Variants in PCDHGA6 observed in about 807,000 individuals in gnomAD.
The protein encoded by PCDHGA6 is protocadherin gamma subfamily A, 6.
PCDHGA6 carries 41 observed loss-of-function variants against 60.6 expected under a neutral mutation model. The ratio of observed to expected loss-of-function variants is 0.68; its 90% CI spans 0.53 to 0.88. PCDHGA6 has a LOEUF of 0.88. Ranked by LOEUF, PCDHGA6 falls within the 40% of genes least tolerant of loss-of-function variation. The pLI is 0.00. For synonymous variants in PCDHGA6, 594 were observed against 524.4 expected, an observed-to-expected ratio of 1.13 and a Z score of -1.81; for missense variants, 1,312 against 1,203.0, an observed-to-expected ratio of 1.09 and a Z score of -1.34.
At chr5:141,427,426 C>G (rs569185252) in intron 1 of PCDHGA6, 1 of 469,896 alleles carries the variant, frequency 2.1e-6, no homozygotes, top group Admixed American at 2.3e-5. Flanking sequence ...GGGGAGGTTA[C>G]ATGCCTCATA....
chr5:141,389,814 G>T, intron 1 of PCDHGA6: 3 of 1,613,868 alleles, frequency 1.9e-6, no homozygotes, highest in Non-Finnish European at 2.5e-6. Flanking sequence ...TCTGGTCGCC[G>T]TGCGTGACGG....
rs201673318 is a variant in PCDHGA6, at chr5:141,421,626, C to G, written c.2424+45119C>G. On this transcript the variant is annotated intron_variant, in intron 1 of 3. Coordinates refer to ENST00000517434, the MANE Select transcript of PCDHGA6 (RefSeq NM_018919.3). ...TAGATATTAATGATAACGCCCCCAG[C>G]TTCCAGGAGGACGAAGTGGAGATAA... 1.9e-6 allele frequency: 3 copies of G among 1,613,842 alleles called. No individual in the cohort carries two copies. In the African/African-American group the frequency reaches 4.0e-5, roughly 21 times the overall value.
intron 1 of PCDHGA6, among the ~76,000 whole-genome samples, chr5:141,470,572 A>G (rs1349952470): frequency 6.6e-6 from 1 of 152,208 alleles, no homozygotes; most frequent in Non-Finnish European, 1.5e-5. Flanking sequence ...GCCAAGCAGG[A>G]TCAACTTCAT....
Position 141,374,537 on chromosome 5 carries a change from T to G in PCDHGA6, c.454T>G (p.Phe152Val), listed in dbSNP as rs1430968090. Reference sequence around the variant, plus strand: ...CGAAAACGCAGCTCCATCCTCTCGTTTTCCACTAATGGAGGTCTATGACCC... The same window carrying G: ...CGAAAACGCAGCTCCATCCTCTCGTGTTCCACTAATGGAGGTCTATGACCC... ...ILENAAPSSRFPLMEVYDPDV... is the reference protein window; with the variant it reads ...ILENAAPSSRVPLMEVYDPDV... The change falls in exon 1 of 4, where the codon TTT becomes GTT. Residue 152 changes from phenylalanine to valine, a missense_variant. Coordinates refer to ENST00000517434, the MANE Select transcript of PCDHGA6 (RefSeq NM_018919.3). 4 of 1,613,198 alleles carry G rather than the reference T, an allele frequency of 2.5e-6. No individual in the cohort carries two copies. In the Admixed American group the frequency reaches 5.0e-5, roughly 20 times the overall value.
intron 1 of PCDHGA6, among the ~76,000 whole-genome samples, chr5:141,435,590 A>G (rs1005651004): frequency 3.3e-5 from 5 of 152,210 alleles, no homozygotes; most frequent in African/African-American, 7.2e-5. Context: ...TTGCAGTAAT[A>G]TCGCCTGCTT....
intron 1 of PCDHGA6, chr5:141,395,065 A>G: frequency 6.2e-7 from 1 of 1,614,132 alleles, no homozygotes; most frequent in South Asian, 1.1e-5. Context: ...GCTTTCCTGC[A>G]GACCTATTCC....
Position 141,485,844 on chromosome 5 carries a change from G to A in PCDHGA6, c.2425-8963G>A, listed in dbSNP as rs201857404. On this transcript the variant is annotated intron_variant, in intron 1 of 3. Transcript: ENST00000517434. The surrounding 1 kb of genome is among the most constrained non-coding windows in gnomAD (Gnocchi z 5.7). ...GATGGAGGGAACCCGCCGAGATCTGGCACCGCAGAGCTCCGGGTATCCGTG... is the reference window on the plus strand; with the variant it reads ...GATGGAGGGAACCCGCCGAGATCTGACACCGCAGAGCTCCGGGTATCCGTG... 6 of 1,613,890 alleles carry A rather than the reference G, an allele frequency of 3.7e-6. No homozygotes were observed. In the East Asian group the frequency reaches 1.1e-4, roughly 30 times the overall value.
Position 141,489,956 on chromosome 5 carries a change from C to CTCCAACCT in PCDHGA6, c.2425-4845_2425-4838dup, listed in dbSNP as rs1176419823. Reference sequence around the variant, plus strand: ...ATCGTGCTGGACATCAATGATAATGCTCCAACCTTCCAATCCTCAGTTCTA... The same window carrying CTCCAACCT: ...ATCGTGCTGGACATCAATGATAATGCTCCAACCTTCCAACCTTCCAATCCTCAGTTCTA... On this transcript the variant is annotated intron_variant, in intron 1 of 3. Coordinates refer to ENST00000517434, the MANE Select transcript of PCDHGA6 (RefSeq NM_018919.3). The surrounding 1 kb of genome is among the most constrained non-coding windows in gnomAD (Gnocchi z 4.5). 16 of 1,614,012 alleles carry CTCCAACCT rather than the reference C, an allele frequency of 9.9e-6. No individual in the cohort carries two copies. The highest frequency in any genetic ancestry group is 1.4e-5 in the Non-Finnish European group (16 of 1,179,974).
Position 141,491,900 on chromosome 5 carries a change from G to A in PCDHGA6, c.2425-2907G>A, listed in dbSNP as rs1268804496. 7.0e-7 allele frequency: 1 copy of A among 1,429,818 alleles called. No individual in the cohort carries two copies. Among genetic ancestry groups the A allele is most frequent in the East Asian group, 2.5e-5 (1 of 39,444 alleles). The allele number at this position is 1,429,818 out of a possible 1,614,324, so 88.6% of individuals were successfully genotyped here. A position where few individuals can be genotyped will look rare whatever the true frequency, so the allele number is the denominator to read the frequency against. ...TAAGGGATGGGGCTCCGAGCACCGGGGGTGGTGGCGACTGTGGGCGAGGGG... is the reference window on the plus strand; with the variant it reads ...TAAGGGATGGGGCTCCGAGCACCGGAGGTGGTGGCGACTGTGGGCGAGGGG... On this transcript the variant is annotated intron_variant, in intron 1 of 3. Coordinates refer to ENST00000517434, the MANE Select transcript of PCDHGA6 (RefSeq NM_018919.3). This position sits in a 1 kb window ranked among gnomAD's most constrained non-coding sequence, Gnocchi z 6.9.
At chr5:141,467,352 C>A (rs2099142466) in intron 1 of PCDHGA6, among the ~76,000 whole-genome samples, 1 of 152,140 alleles carries the variant, frequency 6.6e-6, no homozygotes, top group South Asian at 2.1e-4. Context: ...TGCCCCCGGC[C>A]AAATCAACGT....
At chr5:141,426,764 T>C (rs1285434687) in intron 1 of PCDHGA6, 5 of 456,638 alleles carry the variant, frequency 1.1e-5, no homozygotes, top group Non-Finnish European at 2.2e-5. Flanking sequence ...TAGATGCAGA[T>C]GTAGGGCCTC....
chr5:141,453,205 G>A lies in PCDHGA6; in HGVS notation c.2425-41602G>A, dbSNP rs570291941. On this transcript the variant is annotated intron_variant, in intron 1 of 3. Coordinates refer to ENST00000517434, the MANE Select transcript of PCDHGA6 (RefSeq NM_018919.3). ...CACAGCTCACTGCAGCCTCAACCTC[G>A]TGCACTTAAGCGATCCTCCCACCTC... Among the ~76,000 whole-genome samples the A allele has an allele frequency of 1.1e-4, 17 of 151,990 alleles. No individual in the cohort carries two copies. In the East Asian group the frequency reaches 2.5e-3, roughly 22 times the overall value.
intron 1 of PCDHGA6, chr5:141,403,951 G>C: frequency 6.2e-7 from 1 of 1,613,882 alleles, no homozygotes. Flanking sequence ...GGACAAAAGT[G>C]CTCATTTCGG....
In PCDHGA6 at chr5:141,393,130, T is replaced by C. The variant is rs752035971; in HGVS notation, c.2424+16623T>C. 19 of 1,613,248 alleles carry C rather than the reference T, an allele frequency of 1.2e-5. No individual in the cohort carries two copies. In the Admixed American group the frequency reaches 2.7e-4, roughly 23 times the overall value. On this transcript the variant is annotated intron_variant, in intron 1 of 3. Transcript: ENST00000517434. ...CAGAGCCCGCGGTGTCTGATAAATA[T>C]TAACACCCTGGTTGAGGATAAAGGA...
At chr5:141,384,541 C>T in intron 1 of PCDHGA6, 2 of 1,614,264 alleles carry the variant, frequency 1.2e-6, no homozygotes, top group Non-Finnish European at 1.7e-6. Context: ...CAACATGTCA[C>T]TGAGCCTGTT....
Position 141,400,678 on chromosome 5 carries a change from T to A in PCDHGA6, c.2424+24171T>A. ...ACCATTCTTTAAGAGGAGCAGTAAA[T>A]TGTGAGTTTTTATGTCGCATAAAAG... On this transcript the variant is annotated intron_variant, in intron 1 of 3. Coordinates refer to ENST00000517434, the MANE Select transcript of PCDHGA6 (RefSeq NM_018919.3). 4.5e-6 allele frequency: 4 copies of A among 882,002 alleles called. No homozygotes were observed. In the South Asian group the frequency reaches 6.9e-5, roughly 15 times the overall value. The allele number at this position is 882,002 out of a possible 1,614,324, so 54.6% of individuals were successfully genotyped here.
At chr5:141,421,213 G>C (rs916345810) in intron 1 of PCDHGA6, 3 of 1,548,472 alleles carry the variant, frequency 1.9e-6, no homozygotes, top group Admixed American at 4.1e-5. Context: ...GCGGAATATC[G>C]GCTTAGAGCC....
intron 1 of PCDHGA6, chr5:141,415,449 C>G: frequency 6.2e-7 from 1 of 1,614,182 alleles, no homozygotes; most frequent in Admixed American, 1.7e-5. Context: ...AGACCTATTC[C>G]CACGAGGTCT....
At chr5:141,495,274 G>A (rs1396412578) in intron 2 of PCDHGA6, among the ~76,000 whole-genome samples, 1 of 152,190 alleles carries the variant, frequency 6.6e-6, no homozygotes, top group Non-Finnish European at 1.5e-5. Context: ...TTGACCGGAG[G>A]AGGCGGTCCG....
Sources: allele counts gnomAD v4.1 joint callset (sites outside exome capture counted in the v4.1 genomes callset), GRCh38; gene constraint gnomAD v4.1.1; non-coding constraint Gnocchi (gnomAD v3.1); transcripts MANE v1.5; gene names NCBI Gene and HGNC (gene_info 2026-07-23, HGNC 2026-07-21).